Variants in FBXW4 observed in about 807,000 individuals in gnomAD.
FBXW4 encodes the protein F-box and WD repeat domain containing 4.
In FBXW4, 40 loss-of-function variants were observed where a neutral mutation model predicts 61.8. The ratio of observed to expected loss-of-function variants is 0.65; its 90% CI spans 0.50 to 0.84. The LOEUF (loss-of-function observed/expected upper bound fraction) is 0.84, where lower values mean the gene tolerates loss of function less well. Among genes scored for constraint, FBXW4 ranks in the 40% least tolerant of loss-of-function variants. The probability of loss-of-function intolerance (pLI) is 0.00; values close to 1 mark genes in which losing one functional copy is unlikely to be tolerated. For missense variants in FBXW4, 672 were observed against 753.8 expected, an observed-to-expected ratio of 0.89 and a Z score of 1.27; for synonymous variants, 311 against 313.8, an observed-to-expected ratio of 0.99 and a Z score of 0.10.
At chr10:101,682,934 C>A (rs1297368196) in intron 1 of FBXW4, among the ~76,000 whole-genome samples, 3 of 152,062 alleles carry the variant, frequency 2.0e-5, no homozygotes, top group Non-Finnish European at 4.4e-5. Context: ...TTTTGTCTAA[C>A]CATCTTGGAT....
At chr10:101,640,233 C>A (rs1227429112) in intron 5 of FBXW4, among the ~76,000 whole-genome samples, 2 of 152,212 alleles carry the variant, frequency 1.3e-5, no homozygotes, top group Non-Finnish European at 2.9e-5. Flanking sequence ...AAAAATCTAC[C>A]TGCCCACTCC....
intron 5 of FBXW4, among the ~76,000 whole-genome samples, chr10:101,655,737 G>A (rs541333903): frequency 6.6e-6 from 1 of 152,386 alleles, no homozygotes; most frequent in African/African-American, 2.4e-5. Context: ...GAAAGAGACA[G>A]TGAGTCTCGT....
At chr10:101,638,508 T>G (rs941689816) in intron 5 of FBXW4, among the ~76,000 whole-genome samples, 6 of 143,644 alleles carry the variant, frequency 4.2e-5, no homozygotes, top group African/African-American at 1.5e-4. Context: ...AAAAAAAGAG[T>G]AGGATAACGG....
intron 5 of FBXW4, among the ~76,000 whole-genome samples, chr10:101,661,140 T>C (rs1318601110): frequency 6.6e-6 from 1 of 152,202 alleles, no homozygotes; most frequent in African/African-American, 2.4e-5. Flanking sequence ...ATCCACAGTA[T>C]TCAGCCGTCT....
chr10:101,647,408 C>T (rs2064110106), intron 5 of FBXW4, among the ~76,000 whole-genome samples: 1 of 152,160 alleles, frequency 6.6e-6, no homozygotes, highest in South Asian at 2.1e-4. Context: ...CACATAGGCA[C>T]TTAAGGAGTT....
intron 6 of FBXW4, among the ~76,000 whole-genome samples, chr10:101,614,436 T>A (rs1470912883): frequency 3.3e-5 from 5 of 151,990 alleles, no homozygotes; most frequent in African/African-American, 9.7e-5. Flanking sequence ...GCTGGGCCCC[T>A]ACCCCAGCAT....
At chr10:101,624,838 G>T (rs372112497) in intron 5 of FBXW4, 28 bp from the exon 6 acceptor site, 595 of 1,613,364 alleles carry the variant, frequency 3.7e-4, no homozygotes, top group Non-Finnish European at 4.8e-4. Context: ...AACAAAGTCA[G>T]ATCTGGCTTG....
chr10:101,694,602 C>G lies in FBXW4; in HGVS notation c.504G>C (p.Glu168Asp). 2.4e-6 allele frequency: 3 copies of G among 1,244,488 alleles called. No homozygotes were observed. The highest frequency in any genetic ancestry group is 3.1e-6 in the Non-Finnish European group (3 of 969,446). The allele number at this position is 1,244,488 out of a possible 1,614,324, so 77.1% of individuals were successfully genotyped here. A position where few individuals can be genotyped will look rare whatever the true frequency, so the allele number is the denominator to read the frequency against. ...GGCGGGCAGCCGACTCCCGAGCCGC[C>G]TCCTCCTCCTCCTCCTCCTCCCCGG... is the stretch of plus-strand genomic sequence containing the variant. ...AAAGEEEEEE[E>D]AARESAARPA... The change falls in exon 1 of 9, where the codon GAG (glutamate) becomes GAC (aspartate). Residue 168 changes from glutamate to aspartate, a missense_variant. Around this residue, in one of 5 missense-constraint regions of FBXW4, gnomAD observed 311 missense variants for 301.1 expected, o/e 1.03. Transcript: ENST00000331272. The surrounding 1 kb of genome is among the most constrained non-coding windows in gnomAD (Gnocchi z 6.0).
intron 5 of FBXW4, among the ~76,000 whole-genome samples, chr10:101,634,668 T>C (rs918365436): frequency 3.4e-5 from 5 of 148,180 alleles, no homozygotes; most frequent in Admixed American, 3.4e-4. Context: ...ATAAATGGTA[T>C]AGGGTCCACT....
chr10:101,621,547 C>T (rs2063866920), intron 6 of FBXW4, among the ~76,000 whole-genome samples: 1 of 152,064 alleles, frequency 6.6e-6, no homozygotes, highest in Admixed American at 6.6e-5. Context: ...AAAGAAGCTT[C>T]CACAAACTCC....
chr10:101,633,896 A>G (rs1251726179), intron 5 of FBXW4, among the ~76,000 whole-genome samples: 1 of 152,140 alleles, frequency 6.6e-6, no homozygotes, highest in Non-Finnish European at 1.5e-5. Flanking sequence ...GGATCACCCA[A>G]GTTCAGGAGT....
At chr10:101,653,817 T>C (rs1228786588) in intron 5 of FBXW4, among the ~76,000 whole-genome samples, 1 of 152,140 alleles carries the variant, frequency 6.6e-6, no homozygotes, top group Admixed American at 6.5e-5. Flanking sequence ...CAGCATTCAA[T>C]ACATCCATAA....
chr10:101,690,746 C>T (rs1324848829), intron 1 of FBXW4, among the ~76,000 whole-genome samples: 1 of 152,174 alleles, frequency 6.6e-6, no homozygotes, highest in African/African-American at 2.4e-5. Flanking sequence ...GGCTCTTCGT[C>T]CCGGAGTGCA....
In FBXW4 at chr10:101,612,448, T is replaced by A. The variant is rs754836602; in HGVS notation, c.1331A>T (p.Asp444Val). 4.4e-6 allele frequency: 7 copies of A among 1,590,658 alleles called. No homozygotes were observed. In the South Asian group the frequency reaches 8.2e-5, roughly 19 times the overall value. Residue 444 changes from aspartate to valine, a missense_variant, in exon 7 of 9, where the codon GAC becomes GTC. Asp to Val is a radical substitution (Grantham distance 152, BLOSUM62 -3). Transcript: ENST00000331272. ...CAGCACCCCAGCCCCTGGGGGAAAGTCACTGCCCAAGTGTGTCATCAGCTG... is the reference window on the plus strand; with the variant it reads ...CAGCACCCCAGCCCCTGGGGGAAAGACACTGCCCAAGTGTGTCATCAGCTG... ...SGQLMTHLGS[D>V]FPPGAGVLDV...
At chr10:101,642,361 G>A (rs900580210) in intron 5 of FBXW4, among the ~76,000 whole-genome samples, 1 of 150,370 alleles carries the variant, frequency 6.7e-6, no homozygotes, top group African/African-American at 2.4e-5. Context: ...GACCAACCTG[G>A]CCAACATAGC....
rs752630394 is a variant in FBXW4 at position 101,694,576 on chromosome 10, G to C, written c.530C>G (p.Pro177Arg). ...GCGCCAGAGCGCAGGCCCCGCGGCC[G>C]GGCGGGCAGCCGACTCCCGAGCCGC... Reference protein sequence around the residue: ...EEAARESAARPAAGPALWRLP... With the variant: ...EEAARESAARRAAGPALWRLP... Residue 177 changes from proline (P) to arginine (R), a missense_variant, in exon 1 of 9, where the codon CCG becomes CGG. Physicochemically the swap from Pro to Arg is moderately radical, Grantham distance 103. This residue lies in a region of FBXW4 where 311 missense variants were observed against 301.1 expected (regional missense o/e 1.03). Coordinates refer to ENST00000331272, the MANE Select transcript of FBXW4 (RefSeq NM_022039.4). The surrounding 1 kb of genome is among the most constrained non-coding windows in gnomAD (Gnocchi z 6.0). The C allele has an allele frequency of 7.5e-6, 11 of 1,465,036 alleles. No individual in the cohort carries two copies. The highest frequency in any genetic ancestry group is 5.9e-5 in the African/African-American group (4 of 67,770). 90.8% of individuals were successfully genotyped at this position (1,465,036 alleles called of 1,614,324 possible).
Position 101,694,504 on chromosome 10 carries a change from C to G in FBXW4, c.602G>C (p.Arg201Pro). The change falls in exon 1 of 9, where the codon CGG becomes CCG. Residue 201 changes from arginine (R) to proline (P), a missense_variant. Arg to Pro is a moderately radical substitution (Grantham distance 103). This residue lies in a region of FBXW4 where 311 missense variants were observed against 301.1 expected (regional missense o/e 1.03). Coordinates refer to ENST00000331272, the MANE Select transcript of FBXW4 (RefSeq NM_022039.4). The surrounding 1 kb of genome is among the most constrained non-coding windows in gnomAD (Gnocchi z 6.0). ...CACCTGGGCCAGGCGGCCGAGGGCC[C>G]GCATGTCCAGGTAGGAGCAGATGAG... ...LLLICSYLDM[R>P]ALGRLAQVCR... 6.6e-7 allele frequency: 1 copy of G among 1,521,056 alleles called. No homozygotes were observed. Among genetic ancestry groups the G allele is most frequent in the Non-Finnish European group, 8.7e-7 (1 of 1,144,378 alleles). The allele number at this position is 1,521,056 out of a possible 1,614,324, so 94.2% of individuals were successfully genotyped here.
intron 6 of FBXW4, 27 bp from the exon 7 acceptor site, chr10:101,612,504 G>C (rs1589734678): frequency 2.0e-6 from 3 of 1,526,712 alleles, no homozygotes; most frequent in East Asian, 2.4e-5. Flanking sequence ...GGAGTGAGAG[G>C]CTGCTCCACG....
chr10:101,621,187 A>C (rs1190398652), intron 6 of FBXW4, among the ~76,000 whole-genome samples: 5 of 152,056 alleles, frequency 3.3e-5, no homozygotes, highest in Non-Finnish European at 5.9e-5. Context: ...CAGCAGGTTC[A>C]CCTCCGCCTC....
Sources: gnomAD v4.1 joint callset for allele counts (sites outside exome capture counted in the v4.1 genomes callset) on GRCh38, gnomAD v4.1.1 for gene constraint, gnomAD v4.1.1 regional missense constraint, Gnocchi (gnomAD v3.1) non-coding constraint, MANE v1.5 for transcripts, NCBI Gene and HGNC (gene_info 2026-07-23, HGNC 2026-07-21) for gene names.